TRAF2: variants seen among roughly 807,000 people sequenced by gnomAD.
TRAF2 encodes TNF receptor-associated factor 2.
TRAF2 carries 6 observed loss-of-function variants against 55.6 expected under a neutral mutation model. The observed-to-expected ratio is 0.11, with a 90% CI of 0.06 to 0.21. The LOEUF (loss-of-function observed/expected upper bound fraction) is 0.21. TRAF2 is among the 10% of genes least tolerant of loss of function. The probability of loss-of-function intolerance (pLI) is 1.00; values close to 1 mark genes in which losing one functional copy is unlikely to be tolerated. For synonymous variants in TRAF2, 329 were observed against 276.3 expected (o/e 1.19, Z -1.89); for missense variants, 561 against 684.5 (o/e 0.82, Z 2.01).
intron 4 of TRAF2, among the ~76,000 whole-genome samples, chr9:136,901,380 A>G (rs1849816720): frequency 6.6e-6 from 1 of 152,218 alleles, no homozygotes; most frequent in African/African-American, 2.4e-5. Flanking sequence ...GGATGAATGG[A>G]TAAACACGGG....
At chr9:136,902,768 C>A (rs1351752473) in intron 4 of TRAF2, among the ~76,000 whole-genome samples, 1 of 152,196 alleles carries the variant, frequency 6.6e-6, no homozygotes, top group Non-Finnish European at 1.5e-5. Flanking sequence ...CCGCTCTGCC[C>A]CTCGGAGCCG....
intron 9 of TRAF2, among the ~76,000 whole-genome samples, chr9:136,922,749 T>TGG (rs1850421188): frequency 1.3e-5 from 1 of 78,946 alleles, no homozygotes; most frequent in Non-Finnish European, 2.4e-5. Context: ...AGGATGGGCC[T>TGG]GGGCATGTGG....
Position 136,898,724 on chromosome 9 carries a change from C to CG in TRAF2, c.-12dup, listed in dbSNP as rs755532785. On this transcript the variant is annotated 5_prime_UTR_variant, in exon 2 of 11. Transcript: ENST00000247668. ...GTGTTCTTCCTTAGGGCTTTGTTCG[C>CG]GGGGGTCACAGCTCTCATGGCTGCA... 6.2e-7 allele frequency: 1 copy of CG among 1,612,872 alleles called. No homozygotes were observed. Among genetic ancestry groups the CG allele is most frequent in the East Asian group, 2.2e-5 (1 of 44,886 alleles).
upstream of TRAF2, among the ~76,000 whole-genome samples, chr9:136,884,504 G>A (rs1849411099): frequency 6.6e-6 from 1 of 151,998 alleles, no homozygotes; most frequent in South Asian, 2.1e-4. Flanking sequence ...AGGTTGCAGT[G>A]AGCCGAGATC....
At chr9:136,897,016 C>T (rs1468681306) in intron 1 of TRAF2, among the ~76,000 whole-genome samples, 1 of 152,178 alleles carries the variant, frequency 6.6e-6, no homozygotes, top group East Asian at 1.9e-4. Context: ...CCTCATTGTT[C>T]CCTTCCTCTG....
At chr9:136,886,328 T>G, upstream of TRAF2, 2 of 924,416 alleles carry the variant, frequency 2.2e-6, no homozygotes, top group Non-Finnish European at 2.6e-6. Context: ...CTGCGGCTCC[T>G]GCGGGCTCGC....
intron 7 of TRAF2, among the ~76,000 whole-genome samples, chr9:136,918,227 TTA>T (rs764701854): frequency 0.067 from 4,574 of 67,932 alleles, 140 homozygotes; most frequent in Admixed American, 0.19. Flanking sequence ...AGTGTTTTGT[TTA>T]TATATATATA....
At chr9:136,888,814 T>A (rs894983585) in intron 1 of TRAF2, among the ~76,000 whole-genome samples, 2 of 152,116 alleles carry the variant, frequency 1.3e-5, no homozygotes, top group Admixed American at 1.3e-4. Context: ...TGTGGGGGTG[T>A]CCCATTGTGA....
chr9:136,884,933 G>T (rs899695502), upstream of TRAF2, among the ~76,000 whole-genome samples: 4 of 152,220 alleles, frequency 2.6e-5, no homozygotes, highest in Non-Finnish European at 5.9e-5. Context: ...AGGAGGAGAC[G>T]CCTTCTTACG....
intron 7 of TRAF2, among the ~76,000 whole-genome samples, chr9:136,917,516 A>G (rs184589136): frequency 2.0e-5 from 3 of 152,132 alleles, no homozygotes; most frequent in Non-Finnish European, 4.4e-5. Flanking sequence ...AGGACCCTCG[A>G]GGAGTACTGG....
intron 7 of TRAF2, among the ~76,000 whole-genome samples, chr9:136,917,786 C>T (rs1277850595): frequency 1.3e-5 from 2 of 152,138 alleles, no homozygotes; most frequent in Admixed American, 6.5e-5. Flanking sequence ...TTCTGCTGTC[C>T]GTGTTCTTGT....
chr9:136,912,105 G>A (rs1225111373), intron 6 of TRAF2, among the ~76,000 whole-genome samples: 2 of 147,978 alleles, frequency 1.4e-5, no homozygotes, highest in African/African-American at 2.5e-5. Context: ...TGCCCACCTC[G>A]GCTCCCAAAG....
At chr9:136,882,206 C>T (rs1036011495), upstream of TRAF2, among the ~76,000 whole-genome samples, 1 of 152,184 alleles carries the variant, frequency 6.6e-6, no homozygotes, top group Non-Finnish European at 1.5e-5. Context: ...GTGCCAACCA[C>T]GCCCAAGGGA....
At chr9:136,888,084 T>C (rs1223043458) in intron 1 of TRAF2, among the ~76,000 whole-genome samples, 1 of 152,116 alleles carries the variant, frequency 6.6e-6, no homozygotes, top group East Asian at 1.9e-4. Flanking sequence ...TTGGCCAGGC[T>C]GGTTTCAAAC....
At chr9:136,899,399 G>A (rs1004035872) in intron 2 of TRAF2, among the ~76,000 whole-genome samples, 195 bp from the exon 3 acceptor site, 4 of 152,210 alleles carry the variant, frequency 2.6e-5, no homozygotes, top group Admixed American at 1.3e-4. Context: ...CTCACAAACG[G>A]AGTGATAAAA....
At chr9:136,886,637 CAGGG>C in intron 1 of TRAF2, 96 bp downstream of exon 1, 1 of 859,516 alleles carries the variant, frequency 1.2e-6, no homozygotes, top group Non-Finnish European at 1.4e-6. Flanking sequence ...GGGCACCTCT[CAGGG>C]AGACTCCGGG....
intron 1 of TRAF2, among the ~76,000 whole-genome samples, chr9:136,888,483 T>C (rs1849505094): frequency 6.6e-6 from 1 of 152,186 alleles, no homozygotes; most frequent in Non-Finnish European, 1.5e-5. Flanking sequence ...CAGTATTGTA[T>C]GAAGCAGTTG....
intron 3 of TRAF2, among the ~76,000 whole-genome samples, 179 bp from the exon 4 acceptor site, chr9:136,900,243 T>C (rs1315810039): frequency 1.3e-5 from 2 of 151,344 alleles, no homozygotes; most frequent in Admixed American, 1.3e-4. Context: ...GTTTGGAAAC[T>C]TTGGCATCAA....
Position 136,912,402 on chromosome 9 carries a change from C to T in TRAF2, c.603+2408C>T, listed in dbSNP as rs369683116. 2.0e-5 allele frequency among the ~76,000 whole-genome samples: 3 copies of T among 151,682 alleles called. No homozygotes were observed. The South Asian group carries it at 6.2e-4, about 31-fold the overall frequency. ...GTCTTGAACTCCTGACCTGGTGGTC[C>T]ACCCATCTCGGCCTCCCAAAGTACT... On this transcript the variant is annotated intron_variant, in intron 6 of 10. Coordinates refer to ENST00000247668, the MANE Select transcript of TRAF2 (RefSeq NM_021138.4).
Sources: gnomAD v4.1 joint callset for allele counts (sites outside exome capture counted in the v4.1 genomes callset) on GRCh38, gnomAD v4.1.1 for gene constraint, MANE v1.5 for transcripts, NCBI Gene and HGNC (gene_info 2026-07-23, HGNC 2026-07-21) for gene names.